FGF14: variants seen among roughly 807,000 people sequenced by gnomAD.
FGF14 encodes fibroblast growth factor homologous factor 4.
In FGF14, 5 loss-of-function variants were observed where a neutral mutation model predicts 25.5. The ratio of observed to expected loss-of-function variants is 0.20; its 90% CI spans 0.10 to 0.41. The LOEUF (loss-of-function observed/expected upper bound fraction) is 0.41, where lower values mean the gene tolerates loss of function less well. Ranked by LOEUF, FGF14 falls within the 10% of genes least tolerant of loss-of-function variation. The probability of loss-of-function intolerance (pLI) is 1.00; values close to 1 mark genes in which losing one functional copy is unlikely to be tolerated. For missense variants in FGF14, 222 were observed against 320.1 expected, an observed-to-expected ratio of 0.69 and a Z score of 2.34; for synonymous variants, 138 against 118.3, an observed-to-expected ratio of 1.17 and a Z score of -1.08.
chr13:102,297,216 A>G (rs570772419), intron 1 of FGF14, among the ~76,000 whole-genome samples: 1 of 152,262 alleles, frequency 6.6e-6, no homozygotes, highest in African/African-American at 2.4e-5. Context: ...GACAAATTCA[A>G]ATTGAAGAAC....
chr13:102,150,721 G>A (rs1217848562), intron 1 of FGF14, among the ~76,000 whole-genome samples: 3 of 152,100 alleles, frequency 2.0e-5, no homozygotes, highest in Admixed American at 6.5e-5. Flanking sequence ...TAGACCAGTG[G>A]TTCTCAAATG....
chr13:101,967,274 G>A (rs1393172189), intron 1 of FGF14, among the ~76,000 whole-genome samples: 2 of 152,208 alleles, frequency 1.3e-5, no homozygotes, highest in South Asian at 2.1e-4. Context: ...GAGTCAGAAT[G>A]TCTAAAGTCA....
chr13:101,944,562 A>C (rs76579549), intron 1 of FGF14, among the ~76,000 whole-genome samples: 3,035 of 152,302 alleles, frequency 0.02, 118 homozygotes, highest in African/African-American at 0.07. Context: ...ACTTAATTAC[A>C]ATATTAAAGC....
At chr13:101,768,756 G>T (rs193281052) in intron 3 of FGF14, among the ~76,000 whole-genome samples, 1 of 152,230 alleles carries the variant, frequency 6.6e-6, no homozygotes. Flanking sequence ...GGGACAACTG[G>T]AACGTCCACA....
chr13:102,339,067 G>A (rs2056874728), intron 1 of FGF14, among the ~76,000 whole-genome samples: 1 of 150,784 alleles, frequency 6.6e-6, no homozygotes, highest in African/African-American at 2.4e-5. Flanking sequence ...ATATAAATAT[G>A]TAATTTTTTA....
At chr13:101,888,787 A>G (rs1201633691) in intron 1 of FGF14, among the ~76,000 whole-genome samples, 1 of 152,138 alleles carries the variant, frequency 6.6e-6, no homozygotes, top group Non-Finnish European at 1.5e-5. Context: ...ACAACAAAAC[A>G]CTTCTTCAAA....
chr13:102,283,182 T>C (rs774435384), intron 1 of FGF14, among the ~76,000 whole-genome samples: 1 of 152,204 alleles, frequency 6.6e-6, no homozygotes, highest in African/African-American at 2.4e-5. Context: ...ATTGCACTCT[T>C]TTGAGCAAAT....
chr13:102,161,639 A>C (rs867572017), intron 1 of FGF14, among the ~76,000 whole-genome samples: 35 of 10,460 alleles, frequency 3.3e-3, no homozygotes, highest in Non-Finnish European at 5.2e-3. Flanking sequence ...AAGAAGAAGA[A>C]GAAGAAGAAG....
chr13:102,006,986 C>G (rs2039839953), intron 1 of FGF14, among the ~76,000 whole-genome samples: 1 of 151,710 alleles, frequency 6.6e-6, no homozygotes, highest in Admixed American at 6.6e-5. Context: ...CCTCATGATC[C>G]ACCCGCCTCG....
At position 101,720,696 on chromosome 13, in the gene FGF14, A is replaced by C. The variant is rs1461980992; in HGVS notation, c.*2135T>G. On this transcript the variant is annotated 3_prime_UTR_variant, in exon 5 of 5. Coordinates refer to ENST00000376143, the MANE Select transcript of FGF14 (RefSeq NM_004115.4). ...TATTATGGGATCTATGTTTTCTGAA[A>C]ATAATTGGTTAATGGAAGTTATCTA... 1 of 152,026 alleles carries C rather than the reference A, an allele frequency of 6.6e-6. No individual in the cohort carries two copies. The highest frequency in any genetic ancestry group is 2.4e-5 in the African/African-American group (1 of 41,336). 9.4% of individuals were successfully genotyped at this position (152,026 alleles called of 1,614,324 possible).
intron 1 of FGF14, among the ~76,000 whole-genome samples, chr13:102,175,592 G>A (rs1240382614): frequency 1.3e-5 from 2 of 152,032 alleles, no homozygotes; most frequent in Admixed American, 1.3e-4. Context: ...TTCATTAAAT[G>A]AAAGGGCACC....
intron 1 of FGF14, among the ~76,000 whole-genome samples, chr13:102,083,420 TG>T (rs144034455): frequency 0.011 from 1,667 of 146,758 alleles, 27 homozygotes; most frequent in African/African-American, 0.043. Flanking sequence ...CATTAAGTGT[TG>T]GGTTTTTTTT....
chr13:101,838,821 A>G (rs528090021), intron 3 of FGF14, among the ~76,000 whole-genome samples: 3 of 152,110 alleles, frequency 2.0e-5, no homozygotes, highest in Non-Finnish European at 4.4e-5. Flanking sequence ...TTGATAAACA[A>G]TTTGTGCCAA....
At chr13:102,135,435 C>T (rs1282358771) in intron 1 of FGF14, among the ~76,000 whole-genome samples, 2 of 152,088 alleles carry the variant, frequency 1.3e-5, no homozygotes, top group Non-Finnish European at 2.9e-5. Flanking sequence ...ACAAATAGCA[C>T]ATTTACAGGA....
At chr13:102,162,312 G>C (rs964472413) in intron 1 of FGF14, among the ~76,000 whole-genome samples, 1 of 152,132 alleles carries the variant, frequency 6.6e-6, no homozygotes, top group African/African-American at 2.4e-5. Flanking sequence ...TTACTGAAAA[G>C]CAATTGAAGA....
At chr13:101,921,247 A>T (rs1448947770), upstream of FGF14, among the ~76,000 whole-genome samples, 1 of 152,140 alleles carries the variant, frequency 6.6e-6, no homozygotes, top group Non-Finnish European at 1.5e-5. Context: ...TTAACACTGA[A>T]TCTAGGGCAC....
At chr13:101,948,710 G>GT (rs1247128415) in intron 1 of FGF14, among the ~76,000 whole-genome samples, 3 of 151,762 alleles carry the variant, frequency 2.0e-5, no homozygotes, top group Non-Finnish European at 2.9e-5. Flanking sequence ...AAATAAAAAG[G>GT]TTTTTTTAAT....
At chr13:102,380,703 G>A (rs77775060) in intron 1 of FGF14, among the ~76,000 whole-genome samples, 2,439 of 152,218 alleles carry the variant, frequency 0.016, 71 homozygotes, top group African/African-American at 0.056. Context: ...AATACAAGAA[G>A]TGTAATTTAC....
In FGF14 at chr13:101,858,968, G is replaced by A. The variant is rs187534946; in HGVS notation, c.408+9757C>T. Among the ~76,000 whole-genome samples, 369 of 152,160 alleles carry A rather than the reference G, an allele frequency of 2.4e-3. 1 individual carries two copies. The highest frequency in any genetic ancestry group is 8.3e-3 in the African/African-American group (343 of 41,536). ...CACTCACTTCATTAATGCAAATATG[G>A]CCATATTAGAATGCAGCCGTTGAAC... On this transcript the variant is annotated intron_variant, in intron 3 of 4. Coordinates refer to ENST00000376143, the MANE Select transcript of FGF14 (RefSeq NM_004115.4).
Sources: allele counts gnomAD v4.1 joint callset (sites outside exome capture counted in the v4.1 genomes callset), GRCh38; gene constraint gnomAD v4.1.1; transcripts MANE v1.5; gene names NCBI Gene and HGNC (gene_info 2026-07-23, HGNC 2026-07-21).